NAALADL2: variants seen among roughly 807,000 people sequenced by gnomAD.
The protein encoded by NAALADL2 is inactive N-acetylated-alpha-linked acidic dipeptidase-like protein 2.
In NAALADL2, 76 loss-of-function variants were observed where a neutral mutation model predicts 87.2. The observed-to-expected ratio is 0.87, with a 90% confidence interval of 0.72 to 1.05. The LOEUF is 1.05. Ranked by LOEUF, NAALADL2 falls within the 50% of genes least tolerant of loss-of-function variation. The probability of loss-of-function intolerance (pLI) is 0.00; values close to 1 mark genes in which losing one functional copy is unlikely to be tolerated. For missense variants in NAALADL2, 1,089 were observed against 945.8 expected (o/e 1.15, Z -1.99); for synonymous variants, 354 against 331.0 (o/e 1.07, Z -0.75).
intron 4 of NAALADL2, among the ~76,000 whole-genome samples, chr3:175,293,416 A>G (rs1755906546): frequency 6.6e-6 from 1 of 152,224 alleles, no homozygotes; most frequent in African/African-American, 2.4e-5. Context: ...TGTTAGCACT[A>G]TCGATATGGA....
At chr3:175,014,366 A>G (rs1750548696) in intron 1 of NAALADL2, among the ~76,000 whole-genome samples, 1 of 152,046 alleles carries the variant, frequency 6.6e-6, no homozygotes, top group Non-Finnish European at 1.5e-5. Flanking sequence ...CTTACTCCCT[A>G]TTCTTAATCA....
intron 1 of NAALADL2, among the ~76,000 whole-genome samples, chr3:174,908,116 A>T (rs1379401886): frequency 3.3e-5 from 4 of 119,882 alleles, no homozygotes; most frequent in Non-Finnish European, 3.2e-5. Context: ...TGCTAGTTTT[A>T]TGTAATTGCA....
At chr3:174,921,504 G>A (rs866555620) in intron 1 of NAALADL2, among the ~76,000 whole-genome samples, 8 of 151,926 alleles carry the variant, frequency 5.3e-5, no homozygotes, top group African/African-American at 1.9e-4. Context: ...ATTTCACTTA[G>A]AAAATAACTT....
intron 2 of NAALADL2, among the ~76,000 whole-genome samples, chr3:175,181,705 G>GCAC (rs1295623523): frequency 5.7e-5 from 1 of 17,468 alleles, no homozygotes. Context: ...ATATATATAT[G>GCAC]TGTGTGTGTG....
intron 2 of NAALADL2, among the ~76,000 whole-genome samples, chr3:174,577,763 A>T (rs959744387): frequency 2.0e-5 from 3 of 152,080 alleles, no homozygotes; most frequent in African/African-American, 7.2e-5. Context: ...AGGTAACAGA[A>T]GAATATTAAT....
chr3:174,807,973 G>A (rs934665027), intron 3 of NAALADL2, among the ~76,000 whole-genome samples: 3 of 151,808 alleles, frequency 2.0e-5, no homozygotes, highest in African/African-American at 7.3e-5. Context: ...ATCCCTTCAT[G>A]TGTAGAATGT....
chr3:175,510,083 A>G (rs1730937943), intron 9 of NAALADL2, among the ~76,000 whole-genome samples: 1 of 148,554 alleles, frequency 6.7e-6, no homozygotes, highest in African/African-American at 2.5e-5. Context: ...CCCACCTATG[A>G]GTGAGAATAT....
chr3:175,119,599 C>T (rs1331418389), intron 2 of NAALADL2, among the ~76,000 whole-genome samples: 1 of 149,482 alleles, frequency 6.7e-6, no homozygotes, highest in South Asian at 2.1e-4. Context: ...AATTATAAGT[C>T]GAAGTCAGAT....
intron 12 of NAALADL2, among the ~76,000 whole-genome samples, chr3:175,749,199 G>C (rs1278682585): frequency 1.8e-5 from 2 of 111,876 alleles, no homozygotes; most frequent in African/African-American, 7.0e-5. Context: ...GGGGAAGGGA[G>C]GGGAGGGGAA....
intron 9 of NAALADL2, among the ~76,000 whole-genome samples, chr3:175,539,385 A>G (rs1041168664): frequency 6.6e-6 from 1 of 152,208 alleles, no homozygotes; most frequent in Non-Finnish European, 1.5e-5. Flanking sequence ...GTTACGCATT[A>G]ATCTCCTAAT....
At chr3:174,611,487 C>T (rs938614517) in intron 2 of NAALADL2, among the ~76,000 whole-genome samples, 8 of 152,136 alleles carry the variant, frequency 5.3e-5, no homozygotes, top group Non-Finnish European at 8.8e-5. Context: ...TTTCTAATTA[C>T]GGTAGGAATA....
intron 1 of NAALADL2, among the ~76,000 whole-genome samples, chr3:174,465,395 G>C (rs1427119328): frequency 6.6e-6 from 1 of 152,068 alleles, no homozygotes; most frequent in Non-Finnish European, 1.5e-5. Context: ...TACAGAGTTC[G>C]TATTCACTTA....
intron 5 of NAALADL2, among the ~76,000 whole-genome samples, chr3:175,348,607 G>T (rs1157196180): frequency 6.6e-6 from 1 of 152,110 alleles, no homozygotes; most frequent in Non-Finnish European, 1.5e-5. Flanking sequence ...ACTCCGTGGT[G>T]TTCCTTGACT....
chr3:175,165,351 T>C (rs1377055040), intron 2 of NAALADL2, among the ~76,000 whole-genome samples: 1 of 152,112 alleles, frequency 6.6e-6, no homozygotes, highest in Non-Finnish European at 1.5e-5. Flanking sequence ...GAATTCTTGA[T>C]AAATGCTTAT....
chr3:174,747,747 T>C (rs1175851618), intron 3 of NAALADL2, among the ~76,000 whole-genome samples: 1 of 151,834 alleles, frequency 6.6e-6, no homozygotes, highest in Non-Finnish European at 1.5e-5. Flanking sequence ...TGGAAGACAC[T>C]GTGGTGATTC....
Position 175,755,346 on chromosome 3 carries a change from G to A in NAALADL2, c.2117G>A (p.Arg706Gln), listed in dbSNP as rs183513200. 5.1e-4 allele frequency: 828 copies of A among 1,612,632 alleles called. 7 individuals carry two copies. The Admixed American group carries it at 0.013, about 24-fold the overall frequency. Residue 706 changes from arginine (R) to glutamine (Q), a missense_variant, in exon 13 of 14, where the codon CGG becomes CAG. Transcript: ENST00000454872. ...AAGGAGAGAGCACCCATCCGCATCCGGATGCTGAATGACATTCTCCAAGAC... is the reference window on the plus strand; with the variant it reads ...AAGGAGAGAGCACCCATCCGCATCCAGATGCTGAATGACATTCTCCAAGAC... ...DPKERAPIRIRMLNDILQDME... is the reference protein window; with the variant it reads ...DPKERAPIRIQMLNDILQDME...
At chr3:174,580,143 A>C (rs1048755158) in intron 2 of NAALADL2, among the ~76,000 whole-genome samples, 3 of 152,098 alleles carry the variant, frequency 2.0e-5, no homozygotes, top group African/African-American at 7.2e-5. Context: ...TATAAATACA[A>C]GTATTTAATC....
At chr3:175,439,183 G>A (rs1007584494) in intron 5 of NAALADL2, among the ~76,000 whole-genome samples, 6 of 151,978 alleles carry the variant, frequency 3.9e-5, no homozygotes, top group African/African-American at 9.7e-5. Context: ...CCATTATTGT[G>A]TTCCTTTCAT....
intron 12 of NAALADL2, among the ~76,000 whole-genome samples, chr3:175,750,445 TTTAA>T (rs1280628076): frequency 6.6e-6 from 1 of 152,164 alleles, no homozygotes; most frequent in African/African-American, 2.4e-5. Context: ...TTTCTTCCTC[TTTAA>T]TTAATATTAA....
Sources: allele counts gnomAD v4.1 joint callset (sites outside exome capture counted in the v4.1 genomes callset), GRCh38; gene constraint gnomAD v4.1.1; transcripts MANE v1.5; gene names NCBI Gene and HGNC (gene_info 2026-07-23, HGNC 2026-07-21).